The following TRIQK variants were observed in gnomAD, a reference collection of about 807,000 sequenced individuals.
TRIQK encodes the protein triple QxxK/R motif-containing protein.
Under a neutral mutation model 10.8 loss-of-function variants are expected in TRIQK, and 10 were observed. That is an observed-to-expected ratio of 0.92 (90% CI 0.57 to 1.57). TRIQK has a LOEUF of 1.57. TRIQK is among the 40% of genes most tolerant of loss of function. The pLI is 0.00. For missense variants in TRIQK, 107 were observed against 97.7 expected (o/e 1.09, Z -0.40); for synonymous variants, 33 against 33.7 (o/e 0.98, Z 0.07).
At chr8:92,990,170 A>G (rs1813082440) in intron 1 of TRIQK, among the ~76,000 whole-genome samples, 1 of 152,252 alleles carries the variant, frequency 6.6e-6, no homozygotes. Context: ...TATGCTCTTC[A>G]CATTGGTTAT....
chr8:92,914,133 A>C (rs888286911), intron 3 of TRIQK, among the ~76,000 whole-genome samples: 1 of 152,290 alleles, frequency 6.6e-6, no homozygotes, highest in Admixed American at 6.5e-5. Context: ...AATAAAATTC[A>C]GCACCATTTC....
chr8:92,967,075 T>A (rs1812782706), upstream of TRIQK, among the ~76,000 whole-genome samples: 1 of 150,500 alleles, frequency 6.6e-6, no homozygotes, highest in Non-Finnish European at 1.5e-5. Context: ...AGGAATTGAA[T>A]CCAAAATGTA....
intron 2 of TRIQK, among the ~76,000 whole-genome samples, chr8:92,932,221 C>T (rs147333786): frequency 2.4e-4 from 36 of 152,164 alleles, no homozygotes; most frequent in African/African-American, 7.0e-4. Flanking sequence ...TTATATATTA[C>T]GCCCTCCTTG....
intron 2 of TRIQK, among the ~76,000 whole-genome samples, chr8:92,944,461 G>A (rs569555801): frequency 6.6e-6 from 1 of 152,214 alleles, no homozygotes; most frequent in South Asian, 2.1e-4. Flanking sequence ...ATCAACCTAA[G>A]TCTGTATAAA....
rs1208657082 is a variant in TRIQK, at chr8:92,884,139, G to T, written c.*2483C>A. 1 of 151,792 alleles carries T rather than the reference G, an allele frequency of 6.6e-6. No individual in the cohort carries two copies. The highest frequency in any genetic ancestry group is 1.5e-5 in the Non-Finnish European group (1 of 67,868). 9.4% of individuals were successfully genotyped at this position (151,792 alleles called of 1,614,324 possible). The stretch of plus-strand genomic sequence containing the variant: ...TTACTCTGAGCAGTGAATTACTGGA[G>T]GGAAGATACCCATGTCTAAAATTTG... On this transcript the variant is annotated 3_prime_UTR_variant, in exon 5 of 5. Transcript: ENST00000521988.
rs1403824335 is a variant in TRIQK at position 92,942,113 on chromosome 8, A to G, written c.-22+12293T>C. 2.6e-5 allele frequency among the ~76,000 whole-genome samples: 4 copies of G among 152,260 alleles called. No individual in the cohort carries two copies. The East Asian group carries it at 7.7e-4, about 29-fold the overall frequency. On this transcript the variant is annotated intron_variant, in intron 2 of 4. Transcript: ENST00000521988. ...ACTCTGATAATGCAATCAGACAAGG[A>G]TGGAACAAAAAAAGAAAACTACTCT...
intron 4 of TRIQK, among the ~76,000 whole-genome samples, chr8:92,889,391 T>C (rs957341103): frequency 5.9e-5 from 9 of 151,612 alleles, no homozygotes; most frequent in Non-Finnish European, 1.3e-4. Context: ...TATTATAATA[T>C]TTATGGTAAT....
At chr8:92,917,170 AAATT>A (rs1486774603) in intron 2 of TRIQK, among the ~76,000 whole-genome samples, 160 bp from the exon 3 acceptor site, 2 of 152,094 alleles carry the variant, frequency 1.3e-5, no homozygotes, top group Non-Finnish European at 2.9e-5. Flanking sequence ...TCTTTTAAAT[AAATT>A]ATCAATGATA....
At chr8:92,926,006 G>A (rs921594830) in intron 2 of TRIQK, among the ~76,000 whole-genome samples, 1 of 152,046 alleles carries the variant, frequency 6.6e-6, no homozygotes, top group African/African-American at 2.4e-5. Flanking sequence ...TGTGAACCCG[G>A]GAGGCAGAGC....
intron 1 of TRIQK, among the ~76,000 whole-genome samples, chr8:93,007,258 A>C (rs1813283616): frequency 6.6e-6 from 1 of 152,206 alleles, no homozygotes; most frequent in African/African-American, 2.4e-5. Flanking sequence ...AGCCCTACGG[A>C]AGCACATAGG....
chr8:92,936,521 G>T (rs1184876396), intron 2 of TRIQK, among the ~76,000 whole-genome samples: 1 of 151,512 alleles, frequency 6.6e-6, no homozygotes, highest in Non-Finnish European at 1.5e-5. Flanking sequence ...AAATAGAAAA[G>T]AACTTTTTAC....
chr8:92,952,299 A>G (rs1811950671), intron 2 of TRIQK, among the ~76,000 whole-genome samples: 1 of 152,032 alleles, frequency 6.6e-6, no homozygotes, highest in African/African-American at 2.4e-5. Context: ...CAAAAACACA[A>G]TAGCAGAAAT....
At chr8:92,933,654 A>T (rs1227933848) in intron 2 of TRIQK, among the ~76,000 whole-genome samples, 3 of 152,158 alleles carry the variant, frequency 2.0e-5, no homozygotes, top group African/African-American at 7.2e-5. Flanking sequence ...CTAGATAGAA[A>T]ACTAAAAGCA....
At chr8:93,008,625 A>G (rs974757585) in intron 1 of TRIQK, among the ~76,000 whole-genome samples, 2 of 152,226 alleles carry the variant, frequency 1.3e-5, no homozygotes, top group Non-Finnish European at 1.5e-5. Flanking sequence ...CAGTACTGGC[A>G]TAAAATCAGA....
chr8:92,969,126 T>C (rs1239324768), upstream of TRIQK, among the ~76,000 whole-genome samples: 2 of 152,196 alleles, frequency 1.3e-5, no homozygotes, highest in African/African-American at 4.8e-5. Context: ...TGTGGTGTTA[T>C]TTGTGAGGCC....
At chr8:92,973,829 G>A (rs915489711) in intron 1 of TRIQK, 2 of 152,142 alleles carry the variant, frequency 1.3e-5, no homozygotes, top group East Asian at 3.9e-4. Flanking sequence ...ACAGAAGGAG[G>A]AGTTTAAATG....
rs980853439 is a variant in TRIQK, at chr8:92,906,924, T to C, written c.61+10005A>G. Reference sequence around the variant, plus strand: ...AAAAAAAAAAAAATACTGGACTTAGTGAACAGCAGCTCAAGCTTGATTGGG... The same window carrying C: ...AAAAAAAAAAAAATACTGGACTTAGCGAACAGCAGCTCAAGCTTGATTGGG... On this transcript the variant is annotated intron_variant, in intron 3 of 4. Transcript: ENST00000521988. Among the ~76,000 whole-genome samples the C allele has an allele frequency of 4.6e-5, 7 of 151,456 alleles. No individual in the cohort carries two copies. The South Asian group carries it at 1.5e-3, about 32-fold the overall frequency.
At chr8:92,917,956 C>A (rs569924492) in intron 2 of TRIQK, among the ~76,000 whole-genome samples, 7 of 152,116 alleles carry the variant, frequency 4.6e-5, no homozygotes, top group Admixed American at 2.6e-4. Flanking sequence ...TCAGCTCTCA[C>A]AAATGAGTGA....
At chr8:92,994,185 C>G (rs191183299) in intron 1 of TRIQK, among the ~76,000 whole-genome samples, 21 of 152,196 alleles carry the variant, frequency 1.4e-4, no homozygotes, top group African/African-American at 4.8e-4. Flanking sequence ...AATATTGTAT[C>G]GTGTATACAG....
Sources: allele counts gnomAD v4.1 joint callset (sites outside exome capture counted in the v4.1 genomes callset), GRCh38; gene constraint gnomAD v4.1.1; transcripts MANE v1.5; gene names NCBI Gene and HGNC (gene_info 2026-07-23, HGNC 2026-07-21).